The following TRPS1 variants were observed in gnomAD, a reference collection of about 807,000 sequenced individuals.
TRPS1 encodes zinc finger transcription factor Trps1.
TRPS1 carries 6 observed loss-of-function variants against 101.2 expected under a neutral mutation model. The observed-to-expected ratio is 0.06, with a 90% CI of 0.03 to 0.12. The LOEUF is 0.12. Among genes scored for constraint, TRPS1 ranks in the 10% least tolerant of loss-of-function variants. The pLI is 1.00. For missense variants in TRPS1, 1,363 were observed against 1,567.0 expected (o/e 0.87, Z 2.20); for synonymous variants, 578 against 589.8 (o/e 0.98, Z 0.29).
chr8:115,450,840 A>G (rs890418429), intron 5 of TRPS1, among the ~76,000 whole-genome samples: 4 of 152,162 alleles, frequency 2.6e-5, no homozygotes, highest in African/African-American at 7.2e-5. Context: ...CAAAAATTTC[A>G]TAGATCCATA....
chr8:115,562,238 A>G (rs1816962617), intron 5 of TRPS1, among the ~76,000 whole-genome samples: 1 of 152,122 alleles, frequency 6.6e-6, no homozygotes. Context: ...AAACGTACTT[A>G]TATCAAAGAG....
At chr8:115,554,473 C>T (rs1158829438) in intron 5 of TRPS1, among the ~76,000 whole-genome samples, 4 of 152,108 alleles carry the variant, frequency 2.6e-5, no homozygotes, top group South Asian at 2.1e-4. Context: ...AAAAACATCA[C>T]GATAAAACAA....
intron 5 of TRPS1, among the ~76,000 whole-genome samples, chr8:115,553,738 T>A (rs1816753936): frequency 6.6e-6 from 1 of 152,148 alleles, no homozygotes; most frequent in African/African-American, 2.4e-5. Flanking sequence ...TATTAGAAAC[T>A]TTCATTGCTC....
chr8:115,449,956 A>AACACACACACACACACACACACAC (rs61176190), intron 5 of TRPS1, among the ~76,000 whole-genome samples: 2 of 146,918 alleles, frequency 1.4e-5, no homozygotes, highest in African/African-American at 2.5e-5. Context: ...TATGTGATTT[A>AACACACACACACACACACACACAC]ACACACACAC....
At chr8:115,596,304 C>T (rs1473487044) in intron 4 of TRPS1, among the ~76,000 whole-genome samples, 2 of 151,826 alleles carry the variant, frequency 1.3e-5, no homozygotes, top group African/African-American at 2.4e-5. Context: ...TGTAGTAGTT[C>T]TTTCACAGTA....
intron 5 of TRPS1, among the ~76,000 whole-genome samples, chr8:115,529,235 A>G (rs1280075567): frequency 2.0e-5 from 3 of 152,102 alleles, no homozygotes; most frequent in African/African-American, 7.2e-5. Context: ...GAAATGGTGT[A>G]CATGCCAGTG....
At chr8:115,572,536 C>T (rs1013483301) in intron 5 of TRPS1, among the ~76,000 whole-genome samples, 1 of 151,876 alleles carries the variant, frequency 6.6e-6, no homozygotes, top group African/African-American at 2.4e-5. Flanking sequence ...GTTTATTGAA[C>T]ATTATTTTTG....
rs552789822 is a variant in TRPS1, at chr8:115,506,153, A to C, written c.2700+80848T>G. Among the ~76,000 whole-genome samples the C allele has an allele frequency of 8.5e-5, 13 of 152,260 alleles. No homozygotes were observed. In the East Asian group the frequency reaches 2.3e-3, roughly 27 times the overall value. On this transcript the variant is annotated intron_variant, in intron 5 of 6. Transcript: ENST00000395715. ...TCACAGGTTTCTAAAAGTTATTGGT[A>C]AAATTAAGTTAAAAGAAATATAAAG...
intron 5 of TRPS1, among the ~76,000 whole-genome samples, chr8:115,420,160 C>A (rs1291314998): frequency 1.3e-5 from 2 of 152,238 alleles, no homozygotes; most frequent in East Asian, 3.9e-4. Context: ...TACTTCCCCC[C>A]ACCCGACTCT....
At chr8:115,623,534 CG>C in intron 2 of TRPS1, 66 bp downstream of exon 2, 3 of 1,560,316 alleles carry the variant, frequency 1.9e-6, no homozygotes, top group Non-Finnish European at 2.6e-6. Context: ...ACAGATTGCA[CG>C]ATGTTTTACT....
intron 5 of TRPS1, among the ~76,000 whole-genome samples, chr8:115,457,195 G>C (rs999766732): frequency 3.3e-5 from 5 of 152,148 alleles, no homozygotes; most frequent in Admixed American, 2.0e-4. Context: ...AGACTGATTA[G>C]AAAAAGTATA....
intron 1 of TRPS1, chr8:115,637,298 C>T (rs935445738): frequency 6.1e-6 from 6 of 985,286 alleles, no homozygotes; most frequent in Non-Finnish European, 7.2e-6. Flanking sequence ...GAGGCTGGAC[C>T]ACTTGGAGAA....
At chr8:115,576,585 CAA>C (rs1402933031) in intron 5 of TRPS1, among the ~76,000 whole-genome samples, 1 of 152,054 alleles carries the variant, frequency 6.6e-6, no homozygotes, top group Non-Finnish European at 1.5e-5. Context: ...ATCTAGAACA[CAA>C]AGTCTCCTTT....
chr8:115,656,534 T>C (rs1336581008), intron 1 of TRPS1, among the ~76,000 whole-genome samples: 1 of 152,128 alleles, frequency 6.6e-6, no homozygotes, highest in Non-Finnish European at 1.5e-5. Flanking sequence ...AATTTTGAGA[T>C]ATAAAATGCA....
chr8:115,668,196 A>G, intron 1 of TRPS1: 1 of 489,760 alleles, frequency 2.0e-6, no homozygotes, highest in Non-Finnish European at 3.6e-6. Flanking sequence ...GATGCCTCAG[A>G]CCCACCAAAA....
intron 1 of TRPS1, among the ~76,000 whole-genome samples, chr8:115,660,960 T>C (rs1485695594): frequency 3.9e-5 from 6 of 151,924 alleles, no homozygotes; most frequent in Non-Finnish European, 8.8e-5. Flanking sequence ...CATTGGGTCA[T>C]AGTACAGAGT....
chr8:115,514,010 C>T (rs1005950606), intron 5 of TRPS1, among the ~76,000 whole-genome samples: 3 of 151,582 alleles, frequency 2.0e-5, no homozygotes, highest in African/African-American at 4.8e-5. Flanking sequence ...TAAGGAGTAT[C>T]CACATGGTAT....
intron 5 of TRPS1, among the ~76,000 whole-genome samples, chr8:115,524,382 G>A (rs1322452711): frequency 8.0e-6 from 1 of 125,174 alleles, no homozygotes; most frequent in Non-Finnish European, 1.6e-5. Flanking sequence ...GTGCAATGGT[G>A]TGATCTCAGC....
At chr8:115,518,817 A>G (rs191632411) in intron 5 of TRPS1, among the ~76,000 whole-genome samples, 5 of 151,894 alleles carry the variant, frequency 3.3e-5, no homozygotes, top group Non-Finnish European at 5.9e-5. Context: ...AAACTAAACC[A>G]TCAGAAATTT....
Sources: allele counts gnomAD v4.1 joint callset (sites outside exome capture counted in the v4.1 genomes callset), GRCh38; gene constraint gnomAD v4.1.1; transcripts MANE v1.5; gene names NCBI Gene and HGNC (gene_info 2026-07-23, HGNC 2026-07-21).